CRLS1: variants seen among roughly 807,000 people sequenced by gnomAD.
CRLS1 encodes cardiolipin synthase (CMP-forming).
In CRLS1, 24 loss-of-function variants were observed where a neutral mutation model predicts 37.0. That is an observed-to-expected ratio of 0.65 (90% CI 0.47 to 0.91). The LOEUF (loss-of-function observed/expected upper bound fraction) is 0.91, where lower values mean the gene tolerates loss of function less well. Ranked by LOEUF, CRLS1 falls within the 40% of genes least tolerant of loss-of-function variation. CRLS1 has a pLI of 0.00. For missense variants in CRLS1, 373 were observed against 395.8 expected, an observed-to-expected ratio of 0.94 and a Z score of 0.49; for synonymous variants, 135 against 159.7, an observed-to-expected ratio of 0.85 and a Z score of 1.17.
chr20:6,028,550 A>G (rs1979902318), intron 3 of CRLS1: 1 of 152,146 alleles, frequency 6.6e-6, no homozygotes, highest in African/African-American at 2.4e-5. Flanking sequence ...CAGTGTAAAA[A>G]CCTATAGTGT....
chr20:6,021,348 T>TGAGCCTCTGC (rs1979276670), intron 3 of CRLS1, among the ~76,000 whole-genome samples: 1 of 152,196 alleles, frequency 6.6e-6, no homozygotes. Context: ...ATTATGGGTG[T>TGAGCCTCTGC]GAGCCTCTGC....
In CRLS1 at chr20:6,037,363, T is replaced by C. The variant is rs1367493177; in HGVS notation, c.*205T>C. 1 of 361,204 alleles carries C rather than the reference T, an allele frequency of 2.8e-6. No individual in the cohort carries two copies. The highest frequency in any genetic ancestry group is 4.5e-5 in the Admixed American group (1 of 22,148). 22.4% of individuals were successfully genotyped at this position (361,204 alleles called of 1,614,324 possible). The stretch of plus-strand genomic sequence containing the variant: ...GCAGAATTTCCAATGTATTTTTAAA[T>C]ACAAATAAAATTGTAATTTAGAATT... On this transcript the variant is annotated 3_prime_UTR_variant, in exon 7 of 7. Coordinates refer to ENST00000378863, the MANE Select transcript of CRLS1 (RefSeq NM_019095.6).
In CRLS1 at chr20:6,037,564, C is replaced by T. The variant is rs186611905; in HGVS notation, c.*406C>T. 3 of 154,558 alleles carry T rather than the reference C, an allele frequency of 1.9e-5. No individual in the cohort carries two copies. The East Asian group carries it at 5.7e-4, about 29-fold the overall frequency. 9.6% of individuals were successfully genotyped at this position (154,558 alleles called of 1,614,324 possible). ...TCATGGGGTTCAAATATATATCCTA[C>T]ACAACTGGGCAATACATTTTTGTTT... is the stretch of plus-strand genomic sequence containing the variant. On this transcript the variant is annotated 3_prime_UTR_variant, in exon 7 of 7. Coordinates refer to ENST00000378863, the MANE Select transcript of CRLS1 (RefSeq NM_019095.6).
At chr20:6,017,331 T>C (rs2122953469) in intron 3 of CRLS1, among the ~76,000 whole-genome samples, 1 of 152,304 alleles carries the variant, frequency 6.6e-6, no homozygotes. Flanking sequence ...TTACATGGGA[T>C]TGTGTTTAGT....
chr20:6,007,726 C>T (rs2067585949), intron 1 of CRLS1, among the ~76,000 whole-genome samples: 2 of 152,162 alleles, frequency 1.3e-5, no homozygotes, highest in African/African-American at 4.8e-5. Context: ...CCACTCTTCC[C>T]TTTGAGTTGC....
intron 2 of CRLS1, among the ~76,000 whole-genome samples, chr20:6,012,890 C>T (rs1365542134): frequency 1.3e-5 from 2 of 152,142 alleles, no homozygotes; most frequent in East Asian, 1.9e-4. Context: ...AGTGAGATTT[C>T]CCAGAAAGTG....
intron 3 of CRLS1, among the ~76,000 whole-genome samples, chr20:6,024,536 A>G (rs1007196419): frequency 6.6e-6 from 1 of 152,202 alleles, no homozygotes; most frequent in Non-Finnish European, 1.5e-5. Context: ...ATTCCCTGAG[A>G]CACAATAATA....
chr20:6,012,567 C>G (rs1306476120), intron 2 of CRLS1, among the ~76,000 whole-genome samples: 3 of 152,128 alleles, frequency 2.0e-5, no homozygotes, highest in African/African-American at 7.2e-5. Context: ...AAACCAGGTT[C>G]ATGGAAATGA....
chr20:6,007,185 G>C, intron 1 of CRLS1: 2 of 1,382,576 alleles, frequency 1.4e-6, no homozygotes, highest in East Asian at 2.6e-5. Flanking sequence ...TGTCATGTTA[G>C]CAAGACTCAT....
intron 3 of CRLS1, among the ~76,000 whole-genome samples, chr20:6,018,357 A>AT (rs1350626248): frequency 6.6e-6 from 1 of 151,736 alleles, no homozygotes; most frequent in African/African-American, 2.4e-5. Context: ...ATTTGCTTGG[A>AT]TTTTTTACAT....
intron 6 of CRLS1, among the ~76,000 whole-genome samples, chr20:6,036,082 G>C (rs1171601157): frequency 6.6e-6 from 1 of 152,132 alleles, no homozygotes; most frequent in Admixed American, 6.5e-5. Flanking sequence ...TGGGATTACA[G>C]GTGTGAGCCA....
intron 1 of CRLS1, among the ~76,000 whole-genome samples, chr20:6,009,467 A>G (rs1005885721): frequency 2.6e-5 from 4 of 151,218 alleles, no homozygotes; most frequent in African/African-American, 4.9e-5. Flanking sequence ...GATTCTCTCC[A>G]TGTTTCCCAG....
rs187262064 is a variant in CRLS1 at position 6,015,823 on chromosome 20, T to C, written c.574+333T>C. ...TTAGTGCCTAGCTTTTCAAAAGCAA[T>C]TTAGTTTTCCTACGTTTATTATCTT... On this transcript the variant is annotated intron_variant, in intron 3 of 6. Coordinates refer to ENST00000378863, the MANE Select transcript of CRLS1 (RefSeq NM_019095.6). 51 of 284,796 alleles carry C rather than the reference T, an allele frequency of 1.8e-4. 1 individual carries two copies. The highest frequency in any genetic ancestry group is 1.4e-3 in the South Asian group (42 of 29,736). 17.6% of individuals were successfully genotyped at this position (284,796 alleles called of 1,614,324 possible).
rs188576254 is a variant in CRLS1 at position 6,013,650 on chromosome 20, G to A, written c.445-1711G>A. Among the ~76,000 whole-genome samples, 462 of 152,298 alleles carry A rather than the reference G, an allele frequency of 3.0e-3. 2 individuals are homozygous for A. Among genetic ancestry groups the A allele is most frequent in the African/African-American group, 9.8e-3 (408 of 41,560 alleles). ...CTGAGGTGAGAGCAGAGACAGTGTG[G>A]AAGAGACAGTGTGAAAAGAGAGGGT... On this transcript the variant is annotated intron_variant, in intron 2 of 6. Transcript: ENST00000378863.
intron 3 of CRLS1, among the ~76,000 whole-genome samples, chr20:6,024,764 A>G (rs1979542442): frequency 6.6e-6 from 1 of 152,260 alleles, no homozygotes; most frequent in Admixed American, 6.5e-5. Flanking sequence ...TCCAGTGAAC[A>G]CACAAATGTT....
intron 3 of CRLS1, among the ~76,000 whole-genome samples, chr20:6,018,528 G>A (rs1450332520): frequency 6.6e-6 from 1 of 152,040 alleles, no homozygotes; most frequent in Non-Finnish European, 1.5e-5. Context: ...AGCCTTTAGC[G>A]TTTCACTATT....
chr20:6,006,523 C>A lies in CRLS1; in HGVS notation c.277C>A (p.Gln93Lys). Residue 93 changes from glutamine (Q) to lysine (K), a missense_variant, in exon 1 of 7, where the codon CAG (glutamine) becomes AAG (lysine). Gln to Lys is a moderately conservative substitution (Grantham distance 53, BLOSUM62 1). Transcript: ENST00000378863. ...AGAAAEAPGGQWGPASTPSLY... is the reference protein window; with the variant it reads ...AGAAAEAPGGKWGPASTPSLY... ...CGCCGCTGCCGAAGCCCCGGGCGGC[C>A]AGTGGGGCCCGGCGAGCACCCCCAG... The A allele has an allele frequency of 7.5e-7, 1 of 1,328,456 alleles. No individual in the cohort carries two copies. The allele number at this position is 1,328,456 out of a possible 1,614,324, so 82.3% of individuals were successfully genotyped here.
chr20:6,023,319 G>A (rs1019236442), intron 3 of CRLS1: 1 of 151,966 alleles, frequency 6.6e-6, no homozygotes. Flanking sequence ...TAATTTGGAG[G>A]AATATTTGAT....
intron 5 of CRLS1, among the ~76,000 whole-genome samples, chr20:6,034,173 A>C (rs1050660741): frequency 1.3e-5 from 2 of 152,362 alleles, no homozygotes; most frequent in Admixed American, 6.5e-5. Flanking sequence ...ATAATTTTGT[A>C]ACATTTTTGA....
Sources: gnomAD v4.1 joint callset for allele counts (sites outside exome capture counted in the v4.1 genomes callset) on GRCh38, gnomAD v4.1.1 for gene constraint, MANE v1.5 for transcripts, NCBI Gene and HGNC (gene_info 2026-07-23, HGNC 2026-07-21) for gene names.